Variants in AFAP1 observed in about 807,000 individuals in gnomAD.
AFAP1 encodes actin filament associated protein 1.
A neutral mutation model predicts 93.9 loss-of-function variants in AFAP1; 75 were observed. That is an observed-to-expected ratio of 0.80 (90% CI 0.66 to 0.97). AFAP1 has a LOEUF of 0.97. Among genes scored for constraint, AFAP1 ranks in the 50% least tolerant of loss-of-function variants. AFAP1 has a pLI of 0.00. For synonymous variants in AFAP1, 517 were observed against 430.7 expected (o/e 1.20, Z -2.48); for missense variants, 1,201 against 1,050.8 (o/e 1.14, Z -1.98).
At chr4:7,776,991 T>G (rs1046265833) in intron 14 of AFAP1, 1 of 152,190 alleles carries the variant, frequency 6.6e-6, no homozygotes. Context: ...TTGTCACCAT[T>G]AGACGTCACC....
chr4:7,907,496 G>A (rs1471889449), intron 1 of AFAP1, among the ~76,000 whole-genome samples: 2 of 152,164 alleles, frequency 1.3e-5, no homozygotes, highest in African/African-American at 4.8e-5. Context: ...GATTATGGAA[G>A]AAAATAGCCT....
intron 1 of AFAP1, among the ~76,000 whole-genome samples, chr4:7,880,031 G>C (rs1717753047): frequency 1.3e-5 from 2 of 152,180 alleles, no homozygotes; most frequent in African/African-American, 2.4e-5. Flanking sequence ...ATAAGAATTA[G>C]AACTAGACAT....
chr4:7,768,194 C>A (rs1714894132), intron 17 of AFAP1, among the ~76,000 whole-genome samples: 1 of 152,270 alleles, frequency 6.6e-6, no homozygotes, highest in African/African-American at 2.4e-5. Context: ...CCAGCTCACA[C>A]CATCGCACTC....
At chr4:7,902,468 C>A (rs948095046) in intron 1 of AFAP1, among the ~76,000 whole-genome samples, 1 of 152,162 alleles carries the variant, frequency 6.6e-6, no homozygotes, top group Non-Finnish European at 1.5e-5. Flanking sequence ...CAGCCCTAGA[C>A]TGAGAAGAAA....
chr4:7,803,445 C>T (rs1374394658), intron 9 of AFAP1, among the ~76,000 whole-genome samples: 2 of 152,214 alleles, frequency 1.3e-5, no homozygotes, highest in African/African-American at 4.8e-5. Context: ...AGGACCCAGT[C>T]CCGATCCCCA....
chr4:7,818,461 G>A (rs1420166907), intron 7 of AFAP1, among the ~76,000 whole-genome samples: 9 of 152,174 alleles, frequency 5.9e-5, no homozygotes, highest in Non-Finnish European at 1.0e-4. Context: ...AAAGTCCCAG[G>A]GACACAAGCT....
chr4:7,788,758 T>C (rs531207880), intron 11 of AFAP1: 2 of 151,604 alleles, frequency 1.3e-5, no homozygotes, highest in African/African-American at 2.4e-5. Context: ...AGGCAGTAAA[T>C]GGAGGAATGA....
chr4:7,771,718 T>C (rs2148958853), intron 16 of AFAP1, among the ~76,000 whole-genome samples: 1 of 152,248 alleles, frequency 6.6e-6, no homozygotes, highest in East Asian at 1.9e-4. Context: ...CTTGAACACC[T>C]GAAAGAACCA....
intron 1 of AFAP1, among the ~76,000 whole-genome samples, chr4:7,900,893 T>C (rs1719077526): frequency 6.6e-6 from 1 of 152,186 alleles, no homozygotes; most frequent in Admixed American, 6.5e-5. Flanking sequence ...TAGGTTCAAA[T>C]GCTACCCTGA....
chr4:7,786,896 A>C (rs1352322671), intron 11 of AFAP1, among the ~76,000 whole-genome samples: 1 of 152,246 alleles, frequency 6.6e-6, no homozygotes, highest in Non-Finnish European at 1.5e-5. Flanking sequence ...ACACTCATTC[A>C]ACAAATATTT....
intron 4 of AFAP1, among the ~76,000 whole-genome samples, chr4:7,849,188 C>G (rs567670545): frequency 1.1e-4 from 16 of 152,238 alleles, no homozygotes; most frequent in African/African-American, 3.6e-4. Context: ...AAGCAGGAGA[C>G]CCACCAGGCG....
At chr4:7,826,715 G>A (rs564513066) in intron 6 of AFAP1, among the ~76,000 whole-genome samples, 4 of 152,344 alleles carry the variant, frequency 2.6e-5, no homozygotes, top group Admixed American at 2.0e-4. Context: ...GGGAGTGAGA[G>A]TGAGGCAAGG....
At chr4:7,799,779 T>C (rs1050231190) in intron 10 of AFAP1, among the ~76,000 whole-genome samples, 2 of 152,176 alleles carry the variant, frequency 1.3e-5, no homozygotes, top group Non-Finnish European at 1.5e-5. Flanking sequence ...TTAAAAACTT[T>C]CAATAATGAA....
chr4:7,855,688 G>C, intron 3 of AFAP1, 114 bp from the exon 4 acceptor site: 1 of 859,988 alleles, frequency 1.2e-6, no homozygotes, highest in Non-Finnish European at 1.9e-6. Context: ...TAAAGTCTTC[G>C]GCAAAAGAGA....
intron 12 of AFAP1, among the ~76,000 whole-genome samples, chr4:7,783,580 T>A (rs1716984925): frequency 6.6e-6 from 1 of 152,250 alleles, no homozygotes. Context: ...CACAAACATG[T>A]AGCCCAGCAA....
intron 6 of AFAP1, among the ~76,000 whole-genome samples, chr4:7,827,559 ACT>A (rs1249747246): frequency 8.3e-6 from 1 of 120,746 alleles, no homozygotes; most frequent in African/African-American, 3.6e-5. Context: ...CAAGAGTGAA[ACT>A]CTGTCTCCAA....
At chr4:7,891,616 T>C (rs1718475991) in intron 1 of AFAP1, among the ~76,000 whole-genome samples, 1 of 152,030 alleles carries the variant, frequency 6.6e-6, no homozygotes, top group Non-Finnish European at 1.5e-5. Context: ...TAATGAATTG[T>C]ATTCTCTTCA....
chr4:7,804,167 A>G (rs1025895681), intron 9 of AFAP1, among the ~76,000 whole-genome samples: 16 of 152,106 alleles, frequency 1.1e-4, no homozygotes, highest in Non-Finnish European at 1.8e-4. Context: ...AGTCATGTCC[A>G]GGAAAGGTTA....
At chr4:7,838,189 A>G (rs777967595) in intron 6 of AFAP1, among the ~76,000 whole-genome samples, 1 of 152,210 alleles carries the variant, frequency 6.6e-6, no homozygotes, top group Non-Finnish European at 1.5e-5. Context: ...AAAATCCACA[A>G]GATTTCAGAA....
Sources: gnomAD v4.1 joint callset for allele counts (sites outside exome capture counted in the v4.1 genomes callset) on GRCh38, gnomAD v4.1.1 for gene constraint, MANE v1.5 for transcripts, NCBI Gene and HGNC (gene_info 2026-07-23, HGNC 2026-07-21) for gene names.